UPRT: variants seen among roughly 807,000 people sequenced by gnomAD.
The protein encoded by UPRT is RP11-311P8.3.
UPRT carries 5 observed loss-of-function variants against 22.6 expected under a neutral mutation model. The observed-to-expected ratio is 0.22, with a 90% confidence interval of 0.12 to 0.47. The LOEUF (loss-of-function observed/expected upper bound fraction) is 0.47. Among genes scored for constraint, UPRT ranks in the 20% least tolerant of loss-of-function variants. UPRT has a pLI of 0.99. For synonymous variants in UPRT, 77 were observed against 87.7 expected (o/e 0.88, Z 0.68); for missense variants, 181 against 239.9 (o/e 0.75, Z 1.62).
At chrX:75,202,665 T>C (rs1417744085) in intron 4 of UPRT, 1 of 111,632 alleles carries the variant, frequency 9.0e-6, no homozygotes, top group East Asian at 2.8e-4. Flanking sequence ...CAGCAAACAT[T>C]GTAGATATTA....
chrX:75,237,322 G>A (rs1489562688), intron 4 of UPRT, among the ~76,000 whole-genome samples: 1 of 111,824 alleles, frequency 8.9e-6, no homozygotes, highest in Non-Finnish European at 1.9e-5. Flanking sequence ...AGGATGTGGA[G>A]AAACAGGAAC....
chrX:75,286,228 T>C (rs748095033), intron 1 of UPRT, among the ~76,000 whole-genome samples: 2 of 105,900 alleles, frequency 1.9e-5, no homozygotes, highest in South Asian at 8.3e-4. Flanking sequence ...TAAATCTGAA[T>C]TCAAATAAAC....
At chrX:75,163,123 C>A (rs1407917321) in intron 2 of UPRT, among the ~76,000 whole-genome samples, 1 of 111,613 alleles carries the variant, frequency 9.0e-6, no homozygotes, top group Non-Finnish European at 1.9e-5. Context: ...AACTTCCTTA[C>A]AATTGTAGGA....
intron 4 of UPRT, among the ~76,000 whole-genome samples, chrX:75,190,250 T>C (rs1245031299): frequency 2.7e-5 from 3 of 111,842 alleles, no homozygotes; most frequent in Non-Finnish European, 5.6e-5. Flanking sequence ...TTAGTTTGGC[T>C]GGATATGAAA....
At chrX:75,184,310 G>A (rs1462807687) in intron 4 of UPRT, among the ~76,000 whole-genome samples, 2 of 111,634 alleles carry the variant, frequency 1.8e-5, no homozygotes, top group African/African-American at 6.5e-5. Context: ...TTTTCGTCAG[G>A]TTTGTCAAAG....
At chrX:75,272,303 TATATATGTGTATATATAC>T (rs777221539), upstream of UPRT, among the ~76,000 whole-genome samples, 103 of 17,381 alleles carry the variant, frequency 5.9e-3, 1 homozygote, top group South Asian at 0.073. Context: ...TATATGTGTA[TATATATGTGTATATATAC>T]ATATATATGT....
chrX:75,192,583 G>C (rs2082319347), intron 4 of UPRT, among the ~76,000 whole-genome samples: 1 of 111,390 alleles, frequency 9.0e-6, no homozygotes, highest in African/African-American at 3.3e-5. Flanking sequence ...CACTATTATT[G>C]TGTGGTTATC....
intron 4 of UPRT, among the ~76,000 whole-genome samples, chrX:75,260,695 G>T (rs2082564956): frequency 9.0e-6 from 1 of 111,580 alleles, no homozygotes; most frequent in Admixed American, 9.5e-5. Context: ...ACAGATCAAT[G>T]AGATAGAAGG....
At chrX:75,245,859 G>A (rs930776406) in intron 4 of UPRT, among the ~76,000 whole-genome samples, 2 of 111,482 alleles carry the variant, frequency 1.8e-5, no homozygotes, top group African/African-American at 6.5e-5. Context: ...TATCATCTGG[G>A]TGATGAAATA....
At position 75,289,300 on chromosome X, in the gene UPRT, A is replaced by G. The variant is rs753445783; in HGVS notation, c.387-4172A>G. On this transcript the variant is annotated intron_variant, in intron 1 of 6. Transcript: ENST00000373383. ...AGATCTGCAAAACACAGCTAAAAGA[A>G]ATAATAAATGACACAGTAGAAAAAC... 8.0e-5 allele frequency among the ~76,000 whole-genome samples: 9 copies of G among 112,042 alleles called. No individual in the cohort carries two copies. The East Asian group carries it at 2.5e-3, about 31-fold the overall frequency.
intron 2 of UPRT, among the ~76,000 whole-genome samples, chrX:75,162,987 A>G (rs982167461): frequency 1.7e-4 from 19 of 111,960 alleles, no homozygotes; most frequent in African/African-American, 6.2e-4. Context: ...TGGGTCAGTA[A>G]TCTAGATACA....
At chrX:75,160,565 C>A (rs2082196108) in exon 2 of UPRT, among the ~76,000 whole-genome samples, 1 of 112,109 alleles carries the variant, frequency 8.9e-6, no homozygotes, top group African/African-American at 3.3e-5. Context: ...GAGTCTCGCT[C>A]TTGTCACTCA....
chrX:75,229,883 A>G (rs1248692645), intron 4 of UPRT, among the ~76,000 whole-genome samples: 1 of 111,998 alleles, frequency 8.9e-6, no homozygotes, highest in Non-Finnish European at 1.9e-5. Context: ...TCCTGAGAAG[A>G]ATCCAGGGTT....
chrX:75,274,151 G>A lies in UPRT; in HGVS notation c.-104G>A. 5 of 1,095,919 alleles carry A rather than the reference G, an allele frequency of 4.6e-6. No individual in the cohort carries two copies. The highest frequency in any genetic ancestry group is 6.0e-6 in the Non-Finnish European group (5 of 828,082). 90.3% of individuals were successfully genotyped at this position (1,095,919 alleles called of 1,213,427 possible). The stretch of plus-strand genomic sequence containing the variant: ...GGACAGCCAGGGTTAGATGTTCTGA[G>A]GAGGCGGGAGCAACCGAGAGAGCAC... On this transcript the variant is annotated 5_prime_UTR_variant, in exon 1 of 7. Coordinates refer to ENST00000373383, the MANE Select transcript of UPRT (RefSeq NM_145052.4).
chrX:75,200,940 C>G (rs994879936), intron 4 of UPRT, among the ~76,000 whole-genome samples: 7 of 111,889 alleles, frequency 6.3e-5, no homozygotes, highest in Non-Finnish European at 1.3e-4. Flanking sequence ...TAGTGAGACC[C>G]TGTTTCACAA....
At chrX:75,252,993 G>A (rs1286428742) in intron 4 of UPRT, among the ~76,000 whole-genome samples, 1 of 110,780 alleles carries the variant, frequency 9.0e-6, no homozygotes, top group Non-Finnish European at 1.9e-5. Flanking sequence ...ATTGAACAAT[G>A]AGAACACATG....
chrX:75,229,191 T>C (rs2082431096), intron 4 of UPRT, among the ~76,000 whole-genome samples: 1 of 112,318 alleles, frequency 8.9e-6, no homozygotes, highest in South Asian at 3.7e-4. Flanking sequence ...GGTAACTATA[T>C]GCAGTGATGG....
At position 75,284,708 on chromosome X, in the gene UPRT, G is replaced by T. The variant is rs189351722; in HGVS notation, c.387-8764G>T. ...CTGTTCCAGTGGAGGTGGCAGGGGG[G>T]GGTGCAGTGGACTCCATTATGGTTT... On this transcript the variant is annotated intron_variant, in intron 1 of 6. Transcript: ENST00000373383. Among the ~76,000 whole-genome samples, 22 of 111,600 alleles carry T rather than the reference G, an allele frequency of 2.0e-4. No individual in the cohort carries two copies. In the East Asian group the frequency reaches 3.7e-3, roughly 19 times the overall value.
chrX:75,162,581 T>C (rs1386482513), intron 2 of UPRT, among the ~76,000 whole-genome samples: 1 of 111,549 alleles, frequency 9.0e-6, no homozygotes, highest in Non-Finnish European at 1.9e-5. Flanking sequence ...AAGGGGTGGA[T>C]AGGCTTGAGT....
Sources: gnomAD v4.1 joint callset for allele counts (sites outside exome capture counted in the v4.1 genomes callset) on GRCh38, gnomAD v4.1.1 for gene constraint, MANE v1.5 for transcripts, NCBI Gene and HGNC (gene_info 2026-07-23, HGNC 2026-07-21) for gene names.